Variants in PRKCA observed in about 807,000 individuals in gnomAD.
The protein encoded by PRKCA is protein kinase C alpha, also known as protein kinase C alpha type.
In PRKCA, 27 loss-of-function variants were observed where a neutral mutation model predicts 87.0. The observed-to-expected ratio is 0.31, with a 90% CI of 0.23 to 0.43. PRKCA has a LOEUF of 0.43. PRKCA is among the 20% of genes least tolerant of loss of function. PRKCA has a pLI of 1.00. For synonymous variants in PRKCA, 329 were observed against 311.1 expected, an observed-to-expected ratio of 1.06 and a Z score of -0.61; for missense variants, 518 against 852.3, an observed-to-expected ratio of 0.61 and a Z score of 4.88.
intron 8 of PRKCA, among the ~76,000 whole-genome samples, chr17:66,724,359 G>A (rs921105946): frequency 2.0e-5 from 3 of 152,088 alleles, no homozygotes; most frequent in Non-Finnish European, 2.9e-5. Flanking sequence ...CTGGTGCAGG[G>A]GTGGAGGACA....
intron 3 of PRKCA, among the ~76,000 whole-genome samples, chr17:66,565,297 G>T (rs370644848): frequency 2.0e-5 from 3 of 152,176 alleles, no homozygotes; most frequent in East Asian, 1.9e-4. Context: ...AGCTCTTACA[G>T]CCCCTGAGAG....
intron 2 of PRKCA, among the ~76,000 whole-genome samples, chr17:66,347,941 CTTT>C (rs57292153): frequency 5.8e-4 from 33 of 56,454 alleles, no homozygotes; most frequent in South Asian, 9.9e-4. Context: ...AATTCTGAAC[CTTT>C]TTTTTTTTTT....
At chr17:66,333,249 T>C (rs1292722087) in intron 2 of PRKCA, among the ~76,000 whole-genome samples, 1 of 152,222 alleles carries the variant, frequency 6.6e-6, no homozygotes, top group Non-Finnish European at 1.5e-5. Flanking sequence ...GAGACTGGGT[T>C]TACCTATTAG....
chr17:66,562,123 TA>T (rs1318166392), intron 3 of PRKCA, among the ~76,000 whole-genome samples: 50 of 31,720 alleles, frequency 1.6e-3, no homozygotes, highest in Admixed American at 2.5e-3. Flanking sequence ...TATAATTAAA[TA>T]TATATAATTA....
intron 13 of PRKCA, among the ~76,000 whole-genome samples, chr17:66,752,517 G>A (rs1195747925): frequency 6.6e-6 from 1 of 152,202 alleles, no homozygotes; most frequent in Non-Finnish European, 1.5e-5. Context: ...AGGGTCACTT[G>A]AACCTGGGAG....
chr17:66,346,954 G>A (rs545793588), intron 2 of PRKCA, among the ~76,000 whole-genome samples: 4 of 151,788 alleles, frequency 2.6e-5, no homozygotes, highest in Admixed American at 1.3e-4. Context: ...TCACTTGAAC[G>A]CGGGAGGCGG....
intron 11 of PRKCA, 101 bp from the exon 12 acceptor site, chr17:66,741,556 GTC>G: frequency 7.8e-7 from 1 of 1,278,022 alleles, no homozygotes; most frequent in Non-Finnish European, 1.1e-6. Flanking sequence ...GAGCCTCTGG[GTC>G]TGACATTCTT....
chr17:66,471,000 T>A (rs1011059016), intron 2 of PRKCA, among the ~76,000 whole-genome samples: 2 of 145,870 alleles, frequency 1.4e-5, no homozygotes. Context: ...TTTGGGAACT[T>A]TTTTTTTTTT....
intron 2 of PRKCA, among the ~76,000 whole-genome samples, chr17:66,381,535 T>C (rs1020964059): frequency 1.1e-4 from 16 of 152,080 alleles, no homozygotes; most frequent in African/African-American, 3.9e-4. Flanking sequence ...AGGAGAAGGA[T>C]TGGACAATCA....
chr17:66,779,793 G>A (rs531679860), intron 14 of PRKCA, among the ~76,000 whole-genome samples: 1 of 152,240 alleles, frequency 6.6e-6, no homozygotes, highest in Non-Finnish European at 1.5e-5. Flanking sequence ...ACCAACCCAA[G>A]ACTTTTCAAC....
At chr17:66,587,500 A>G (rs1390570535) in intron 3 of PRKCA, among the ~76,000 whole-genome samples, 1 of 152,020 alleles carries the variant, frequency 6.6e-6, no homozygotes. Context: ...ATATATGATG[A>G]CAGTAATTGG....
chr17:66,778,862 AC>A (rs368545980), intron 14 of PRKCA, among the ~76,000 whole-genome samples: 188 of 151,108 alleles, frequency 1.2e-3, no homozygotes, highest in African/African-American at 3.5e-3. Flanking sequence ...AAAAAAAAAA[AC>A]AACAACTCCT....
At chr17:66,717,718 G>A (rs1463949027) in intron 8 of PRKCA, among the ~76,000 whole-genome samples, 34 of 152,194 alleles carry the variant, frequency 2.2e-4, no homozygotes, top group Admixed American at 2.2e-3. Context: ...ACGAAGCGGC[G>A]CAGAGGCTGT....
At chr17:66,631,138 T>A (rs1971001205) in intron 3 of PRKCA, among the ~76,000 whole-genome samples, 1 of 152,148 alleles carries the variant, frequency 6.6e-6, no homozygotes, top group African/African-American at 2.4e-5. Context: ...AAAAGTGAGA[T>A]AAATTTTTGT....
intron 14 of PRKCA, among the ~76,000 whole-genome samples, chr17:66,778,828 G>C (rs1975130694): frequency 6.9e-6 from 1 of 145,980 alleles, no homozygotes; most frequent in Non-Finnish European, 1.5e-5. Flanking sequence ...CTGGGTGAGA[G>C]AGTGAGACCC....
intron 2 of PRKCA, among the ~76,000 whole-genome samples, chr17:66,449,188 C>T (rs1914187770): frequency 6.6e-6 from 1 of 152,018 alleles, no homozygotes; most frequent in East Asian, 1.9e-4. Context: ...ACTTGGGAGG[C>T]TGAGCTGGGA....
intron 5 of PRKCA, among the ~76,000 whole-genome samples, chr17:66,675,781 T>TTCTCC (rs1972312620): frequency 6.6e-6 from 1 of 152,126 alleles, no homozygotes; most frequent in South Asian, 2.1e-4. Context: ...CCTGGGCCCC[T>TTCTCC]TCTCCTGAAA....
At chr17:66,613,778 C>CTT in intron 3 of PRKCA, among the ~76,000 whole-genome samples, 1 of 86,836 alleles carries the variant, frequency 1.2e-5, no homozygotes, top group African/African-American at 4.7e-5. Flanking sequence ...ATGACTTCAT[C>CTT]CTTTTTTTTT....
chr17:66,532,170 G>C (rs944227385), intron 3 of PRKCA, among the ~76,000 whole-genome samples: 1 of 144,652 alleles, frequency 6.9e-6, no homozygotes, highest in Admixed American at 6.9e-5. Context: ...AAAAAAAAAA[G>C]AACAACCTTG....
Sources: gnomAD v4.1 joint callset for allele counts (sites outside exome capture counted in the v4.1 genomes callset) on GRCh38, gnomAD v4.1.1 for gene constraint, MANE v1.5 for transcripts, NCBI Gene and HGNC (gene_info 2026-07-23, HGNC 2026-07-21) for gene names.